AK7: variants seen among roughly 807,000 people sequenced by gnomAD.
AK7 encodes ATP-AMP transphosphorylase 7.
A neutral mutation model predicts 96.6 loss-of-function variants in AK7; 78 were observed. The ratio of observed to expected loss-of-function variants is 0.81; its 90% CI spans 0.67 to 0.97. The LOEUF (loss-of-function observed/expected upper bound fraction) is 0.97. Ranked by LOEUF, AK7 falls within the 50% of genes least tolerant of loss-of-function variation. The probability of loss-of-function intolerance (pLI) is 0.00; values close to 1 mark genes in which losing one functional copy is unlikely to be tolerated. For missense variants in AK7, 855 were observed against 887.9 expected (o/e 0.96, Z 0.47); for synonymous variants, 302 against 317.2 (o/e 0.95, Z 0.51).
In AK7 at chr14:96,488,913, G is replaced by T. The variant is rs1895922274; in HGVS notation, c.*570G>T. Reference sequence around the variant, plus strand: ...AGGATCCCAGACAATGAATCGGAGAGAACTGTAAACCTTTAGGCGGAGAAA... The same window carrying T: ...AGGATCCCAGACAATGAATCGGAGATAACTGTAAACCTTTAGGCGGAGAAA... On this transcript the variant is annotated 3_prime_UTR_variant, in exon 18 of 18. Coordinates refer to ENST00000267584, the MANE Select transcript of AK7 (RefSeq NM_152327.5). 6.6e-6 allele frequency: 1 copy of T among 150,522 alleles called. No homozygotes were observed. Among genetic ancestry groups the T allele is most frequent in the South Asian group, 2.1e-4 (1 of 4,754 alleles). 9.3% of individuals were successfully genotyped at this position (150,522 alleles called of 1,614,324 possible). A position where few individuals can be genotyped will look rare whatever the true frequency, so the allele number is the denominator to read the frequency against.
chr14:96,424,434 C>T (rs144088507), intron 5 of AK7, among the ~76,000 whole-genome samples: 29 of 152,344 alleles, frequency 1.9e-4, no homozygotes, highest in African/African-American at 5.3e-4. Flanking sequence ...CTTCAAGAGT[C>T]TCATAAACAA....
chr14:96,442,155 A>C (rs1197334670), intron 6 of AK7, among the ~76,000 whole-genome samples: 1 of 152,208 alleles, frequency 6.6e-6, no homozygotes, highest in African/African-American at 2.4e-5. Flanking sequence ...ATACTTAATG[A>C]GAAGAAAAGA....
chr14:96,449,732 C>A, intron 8 of AK7, 70 bp from the exon 9 acceptor site: 1 of 1,189,762 alleles, frequency 8.4e-7, no homozygotes, highest in Non-Finnish European at 1.2e-6. Flanking sequence ...CTGCGCCTGG[C>A]CCATTTGAGT....
At chr14:96,398,806 G>A (rs1176541691) in intron 2 of AK7, 1 of 159,802 alleles carries the variant, frequency 6.3e-6, no homozygotes, top group African/African-American at 2.4e-5. Flanking sequence ...CAGAAACAAT[G>A]CTGTCTCCAC....
chr14:96,423,745 G>T, intron 5 of AK7: 1 of 721,990 alleles, frequency 1.4e-6, no homozygotes, highest in Admixed American at 1.8e-5. Context: ...CGTCCCACTC[G>T]GCCTGGTAAC....
chr14:96,396,354 A>T (rs904923020), intron 1 of AK7, among the ~76,000 whole-genome samples: 4 of 152,228 alleles, frequency 2.6e-5, no homozygotes, highest in Admixed American at 6.5e-5. Flanking sequence ...GAGAAATGGA[A>T]GCTGTGTCTC....
intron 8 of AK7, among the ~76,000 whole-genome samples, chr14:96,448,374 C>A (rs1406146581): frequency 1.3e-5 from 2 of 151,964 alleles, no homozygotes; most frequent in African/African-American, 2.4e-5. Flanking sequence ...TGGCTCACAC[C>A]TGTGATTCCA....
At position 96,423,727 on chromosome 14, in the gene AK7, C is replaced by G; in HGVS notation, c.609+2795C>G. Reference sequence around the variant, plus strand: ...CAGACAGCTGCTCCTACAATTTGGGCACATAGTCGTCCCACTCGGCCTGGT... The same window carrying G: ...CAGACAGCTGCTCCTACAATTTGGGGACATAGTCGTCCCACTCGGCCTGGT... On this transcript the variant is annotated intron_variant, in intron 5 of 17. Transcript: ENST00000267584. The G allele has an allele frequency of 4.2e-6, 3 of 707,772 alleles. 1 individual carries two copies. The highest frequency in any genetic ancestry group is 4.1e-5 in the South Asian group (3 of 73,908). 43.8% of individuals were successfully genotyped at this position (707,772 alleles called of 1,614,324 possible).
chr14:96,476,959 G>C (rs994984313), intron 14 of AK7, among the ~76,000 whole-genome samples: 1 of 152,182 alleles, frequency 6.6e-6, no homozygotes, highest in Non-Finnish European at 1.5e-5. Flanking sequence ...ATAGATGTCC[G>C]ACATCATAGA....
intron 5 of AK7, among the ~76,000 whole-genome samples, chr14:96,431,625 T>G (rs1892358776): frequency 6.6e-6 from 1 of 152,196 alleles, no homozygotes; most frequent in Non-Finnish European, 1.5e-5. Context: ...TGAGAGACAG[T>G]TTTTTGTGAT....
chr14:96,437,789 TA>T, intron 5 of AK7, 45 bp from the exon 6 acceptor site: 1 of 1,445,836 alleles, frequency 6.9e-7, no homozygotes. Flanking sequence ...TCAGTATGAC[TA>T]ATAATATTAC....
intron 13 of AK7, 72 bp downstream of exon 13, chr14:96,471,678 C>T (rs1894899855): frequency 1.6e-6 from 2 of 1,251,348 alleles, no homozygotes; most frequent in East Asian, 2.8e-5. Context: ...GAGAAGTAGT[C>T]ACTCAATTAA....
intron 5 of AK7, among the ~76,000 whole-genome samples, chr14:96,429,508 G>C (rs1022287885): frequency 2.6e-5 from 4 of 152,164 alleles, no homozygotes; most frequent in African/African-American, 9.7e-5. Context: ...GAAAGTCATT[G>C]GTAGATTGAT....
At chr14:96,436,370 C>T (rs147227125) in intron 5 of AK7, among the ~76,000 whole-genome samples, 2 of 152,212 alleles carry the variant, frequency 1.3e-5, no homozygotes, top group African/African-American at 2.4e-5. Flanking sequence ...GTAGGCCGGG[C>T]GCAGTGGCTT....
chr14:96,393,040 A>G (rs908653688), intron 1 of AK7, among the ~76,000 whole-genome samples: 1 of 152,144 alleles, frequency 6.6e-6, no homozygotes, highest in South Asian at 2.1e-4. Flanking sequence ...GTTTTTGAGC[A>G]TCTATTATGG....
intron 3 of AK7, among the ~76,000 whole-genome samples, chr14:96,407,941 C>T (rs1220205348): frequency 6.6e-6 from 1 of 152,166 alleles, no homozygotes; most frequent in Non-Finnish European, 1.5e-5. Context: ...TAGCCAAATA[C>T]ATTCAAGGAG....
chr14:96,398,592 G>T, intron 2 of AK7: 1 of 316,234 alleles, frequency 3.2e-6, no homozygotes, highest in South Asian at 3.5e-5. Flanking sequence ...ATCTGTGAAG[G>T]AGAAATAGGC....
chr14:96,404,171 A>C (rs57156157), intron 2 of AK7, among the ~76,000 whole-genome samples: 31,388 of 147,224 alleles, frequency 0.21, 3,263 homozygotes, highest in Non-Finnish European at 0.24. Flanking sequence ...AAAAAAAAAA[A>C]AACACCAAAA....
intron 5 of AK7, among the ~76,000 whole-genome samples, chr14:96,432,935 A>C (rs1052491118): frequency 6.6e-6 from 1 of 152,036 alleles, no homozygotes; most frequent in Non-Finnish European, 1.5e-5. Flanking sequence ...CGGAGCTTGC[A>C]GTGAGCTGAG....
Sources: gnomAD v4.1 joint callset for allele counts (sites outside exome capture counted in the v4.1 genomes callset) on GRCh38, gnomAD v4.1.1 for gene constraint, MANE v1.5 for transcripts, NCBI Gene and HGNC (gene_info 2026-07-23, HGNC 2026-07-21) for gene names.